Variants in MTUS2 observed in about 807,000 individuals in gnomAD.
The protein encoded by MTUS2 is microtubule-associated tumor suppressor candidate 2.
MTUS2 carries 40 observed loss-of-function variants against 114.1 expected under a neutral mutation model. The observed-to-expected ratio is 0.35, with a 90% CI of 0.27 to 0.46. The LOEUF (loss-of-function observed/expected upper bound fraction) is 0.46, where lower values mean the gene tolerates loss of function less well. Among genes scored for constraint, MTUS2 ranks in the 20% least tolerant of loss-of-function variants. The probability of loss-of-function intolerance (pLI) is 1.00; values close to 1 mark genes in which losing one functional copy is unlikely to be tolerated. For missense variants in MTUS2, 1,679 were observed against 1,705.4 expected (o/e 0.98, Z 0.27); for synonymous variants, 688 against 672.0 (o/e 1.02, Z -0.37).
chr13:28,957,688 G>C (rs369034762), intron 2 of MTUS2, among the ~76,000 whole-genome samples: 4 of 152,136 alleles, frequency 2.6e-5, no homozygotes, highest in Non-Finnish European at 4.4e-5. Context: ...TATCTGGAGG[G>C]GGGGGTCCTG....
intron 2 of MTUS2, among the ~76,000 whole-genome samples, chr13:28,933,360 C>A (rs1362624815): frequency 1.3e-5 from 2 of 152,174 alleles, no homozygotes; most frequent in Non-Finnish European, 2.9e-5. Context: ...AGTATTGAGG[C>A]AGAATCCCTT....
chr13:29,485,747 C>T (rs1034425239), intron 10 of MTUS2, among the ~76,000 whole-genome samples: 1 of 152,240 alleles, frequency 6.6e-6, no homozygotes, highest in Non-Finnish European at 1.5e-5. Flanking sequence ...AGTCAGGGCA[C>T]ATCCACCTCC....
chr13:29,029,427 G>T (rs1427543692), intron 3 of MTUS2, among the ~76,000 whole-genome samples: 1 of 152,126 alleles, frequency 6.6e-6, no homozygotes, highest in Admixed American at 6.5e-5. Flanking sequence ...GTCAGTCTCT[G>T]AGTTTAGTTA....
At chr13:29,426,350 C>T (rs968093172) in intron 8 of MTUS2, among the ~76,000 whole-genome samples, 1 of 152,206 alleles carries the variant, frequency 6.6e-6, no homozygotes, top group African/African-American at 2.4e-5. Context: ...AGGGATTTAT[C>T]CTGCTTTAGC....
intron 2 of MTUS2, among the ~76,000 whole-genome samples, chr13:28,849,566 TG>T: frequency 6.6e-6 from 1 of 152,216 alleles, no homozygotes. Context: ...CAGCACTACC[TG>T]AGGCTAGGGG....
At chr13:29,238,086 G>A (rs1191553621) in intron 5 of MTUS2, among the ~76,000 whole-genome samples, 1 of 152,120 alleles carries the variant, frequency 6.6e-6, no homozygotes, top group Non-Finnish European at 1.5e-5. Flanking sequence ...AACTGAACTT[G>A]GTATGTCGAA....
At chr13:29,004,663 A>G (rs192494873) in intron 2 of MTUS2, among the ~76,000 whole-genome samples, 2 of 152,320 alleles carry the variant, frequency 1.3e-5, no homozygotes, top group African/African-American at 2.4e-5. Context: ...TGCCAGAAAA[A>G]TAGTTTGCTA....
At chr13:29,206,072 A>G (rs73447287) in intron 5 of MTUS2, among the ~76,000 whole-genome samples, 3,689 of 152,050 alleles carry the variant, frequency 0.024, 151 homozygotes, top group African/African-American at 0.084. Flanking sequence ...ACCAACTTCT[A>G]TTGTTTTTAG....
rs17659813 is a variant in MTUS2, at chr13:29,504,087, G to A, written c.*881G>A. ...TCATTAAGCTATTGTTGCACCCTCCGGAAAACATGGCAGAGCATGACCTTT... is the reference window on the plus strand; with the variant it reads ...TCATTAAGCTATTGTTGCACCCTCCAGAAAACATGGCAGAGCATGACCTTT... On this transcript the variant is annotated 3_prime_UTR_variant, in exon 16 of 16. Transcript: ENST00000612955. The A allele has an allele frequency of 2.0e-3, 454 of 231,622 alleles. No individual in the cohort carries two copies. The highest frequency in any genetic ancestry group is 3.2e-3 in the Non-Finnish European group (380 of 117,090). The allele number at this position is 231,622 out of a possible 1,614,324, so 14.3% of individuals were successfully genotyped here.
intron 9 of MTUS2, among the ~76,000 whole-genome samples, chr13:29,478,787 A>G (rs947695789): frequency 6.6e-6 from 1 of 152,148 alleles, no homozygotes; most frequent in Non-Finnish European, 1.5e-5. Flanking sequence ...GATGTGGGAC[A>G]CTGGCCCAAT....
chr13:29,347,244 A>T (rs1486245526), intron 7 of MTUS2, among the ~76,000 whole-genome samples: 7 of 151,986 alleles, frequency 4.6e-5, no homozygotes, highest in African/African-American at 1.7e-4. Context: ...ACTGGGTTTG[A>T]TTAGTTGATG....
chr13:28,868,889 T>C (rs57038970), intron 2 of MTUS2, among the ~76,000 whole-genome samples: 10,213 of 152,214 alleles, frequency 0.067, 1,115 homozygotes, highest in African/African-American at 0.23. Context: ...TTGGGAAGCA[T>C]TGGGCTGAGT....
chr13:29,159,631 A>G (rs765196716), intron 5 of MTUS2, among the ~76,000 whole-genome samples: 2 of 149,154 alleles, frequency 1.3e-5, no homozygotes, highest in African/African-American at 4.9e-5. Flanking sequence ...TACATAAAGA[A>G]CTCTTAAAAC....
chr13:29,160,874 C>A (rs1161372234), intron 5 of MTUS2, among the ~76,000 whole-genome samples: 1 of 152,168 alleles, frequency 6.6e-6, no homozygotes, highest in African/African-American at 2.4e-5. Context: ...ACACAACAAC[C>A]TTGATGAATC....
chr13:29,450,978 A>G (rs561104437), intron 9 of MTUS2, among the ~76,000 whole-genome samples: 1 of 152,352 alleles, frequency 6.6e-6, no homozygotes, highest in South Asian at 2.1e-4. Context: ...AGAAATAGAC[A>G]AATCTACAGT....
chr13:29,201,773 G>A (rs540897026), intron 5 of MTUS2, among the ~76,000 whole-genome samples: 7 of 152,192 alleles, frequency 4.6e-5, no homozygotes, highest in African/African-American at 1.7e-4. Context: ...AGCTTAGTTC[G>A]GCTGGATATG....
intron 8 of MTUS2, among the ~76,000 whole-genome samples, chr13:29,427,803 A>T (rs551217137): frequency 6.6e-6 from 1 of 152,330 alleles, no homozygotes; most frequent in African/African-American, 2.4e-5. Context: ...AACATGAGAA[A>T]TTTCAAGATT....
chr13:29,385,465 C>A (rs1171800663), intron 8 of MTUS2, among the ~76,000 whole-genome samples: 4 of 152,154 alleles, frequency 2.6e-5, no homozygotes, highest in Non-Finnish European at 5.9e-5. Flanking sequence ...TTAGAACGCT[C>A]CATAAACCTT....
At chr13:29,328,677 G>C (rs547947094) in intron 7 of MTUS2, among the ~76,000 whole-genome samples, 175 of 152,282 alleles carry the variant, frequency 1.1e-3, no homozygotes, top group Non-Finnish European at 1.8e-3. Flanking sequence ...CAGGCTCTCA[G>C]TTAATCTCTC....
Sources: allele counts gnomAD v4.1 joint callset (sites outside exome capture counted in the v4.1 genomes callset), GRCh38; gene constraint gnomAD v4.1.1; transcripts MANE v1.5; gene names NCBI Gene and HGNC (gene_info 2026-07-23, HGNC 2026-07-21).